Variants in RALGPS1 observed in about 807,000 individuals in gnomAD.
RALGPS1 encodes the protein ras-specific guanine nucleotide-releasing factor RalGPS1.
In RALGPS1, 19 loss-of-function variants were observed where a neutral mutation model predicts 78.8. That is an observed-to-expected ratio of 0.24 (90% CI 0.17 to 0.35). The LOEUF (loss-of-function observed/expected upper bound fraction) is 0.35, where lower values mean the gene tolerates loss of function less well. Among genes scored for constraint, RALGPS1 ranks in the 10% least tolerant of loss-of-function variants. The pLI is 1.00. For missense variants in RALGPS1, 454 were observed against 688.3 expected (o/e 0.66, Z 3.81); for synonymous variants, 228 against 256.3 (o/e 0.89, Z 1.06).
At chr9:127,172,126 C>T (rs191568674) in intron 10 of RALGPS1, among the ~76,000 whole-genome samples, 2 of 152,146 alleles carry the variant, frequency 1.3e-5, no homozygotes, top group Non-Finnish European at 1.5e-5. Context: ...GGAAGTAGGA[C>T]CCCCTACCTA....
intron 11 of RALGPS1, among the ~76,000 whole-genome samples, chr9:127,179,798 GC>G (rs1216866972): frequency 3.3e-5 from 5 of 152,202 alleles, no homozygotes; most frequent in Non-Finnish European, 5.9e-5. Context: ...CCTCTTCTAG[GC>G]AGCGCCCACG....
At chr9:127,216,991 C>T (rs960319796) in intron 18 of RALGPS1, 17 of 1,538,960 alleles carry the variant, frequency 1.1e-5, no homozygotes, top group Non-Finnish European at 1.5e-5. Flanking sequence ...GAGGCAGGGC[C>T]CTGTGCCTGA....
Position 126,966,251 on chromosome 9 carries a change from G to T in RALGPS1, c.165+300G>T, listed in dbSNP as rs1203666976. On this transcript the variant is annotated intron_variant, in intron 3 of 18. Coordinates refer to ENST00000259351, the MANE Select transcript of RALGPS1 (RefSeq NM_014636.3). ...ATTCATGTACAGACTGGGCAAGGTG[G>T]CTCACGCCTATAATCCCAGTGCTGT... Among the ~76,000 whole-genome samples, 3 of 152,168 alleles carry T rather than the reference G, an allele frequency of 2.0e-5. No individual in the cohort carries two copies. In the East Asian group the frequency reaches 5.8e-4, roughly 29 times the overall value.
chr9:126,954,402 A>G (rs1276422029), intron 1 of RALGPS1, among the ~76,000 whole-genome samples: 1 of 152,140 alleles, frequency 6.6e-6, no homozygotes, highest in African/African-American at 2.4e-5. Flanking sequence ...AACTGCCTCC[A>G]TTTTGGCCTT....
Position 127,130,078 on chromosome 9 carries a change from T to G in RALGPS1, c.611-35991T>G, listed in dbSNP as rs554618524. On this transcript the variant is annotated intron_variant, in intron 8 of 18. Coordinates refer to ENST00000259351, the MANE Select transcript of RALGPS1 (RefSeq NM_014636.3). ...GAGTGAGGACACGTGTGTCACCAGC[T>G]CCCTCCCTGTTGGACCATAGGTGAC... Among the ~76,000 whole-genome samples, 3 of 152,214 alleles carry G rather than the reference T, an allele frequency of 2.0e-5. No homozygotes were observed. The East Asian group carries it at 5.8e-4, about 29-fold the overall frequency.
rs1482413241 is a variant in RALGPS1, at chr9:127,091,780, T to A, written c.610+22424T>A. On this transcript the variant is annotated intron_variant, in intron 8 of 18. Transcript: ENST00000259351. This position sits in a 1 kb window ranked among gnomAD's most constrained non-coding sequence, Gnocchi z 4.3. The stretch of plus-strand genomic sequence containing the variant: ...GCGCCCCAGCCGCAGCTTATAATAC[T>A]CGCTCTCAGGTTCCAGGCGGAAACT... 6.2e-7 allele frequency: 1 copy of A among 1,614,048 alleles called. No individual in the cohort carries two copies. Among genetic ancestry groups the A allele is most frequent in the Non-Finnish European group, 8.5e-7 (1 of 1,180,036 alleles).
chr9:127,208,689 C>G (rs934497264), intron 14 of RALGPS1, among the ~76,000 whole-genome samples: 6 of 152,174 alleles, frequency 3.9e-5, no homozygotes, highest in Admixed American at 2.6e-4. Context: ...CCTGGTGTCC[C>G]TGTGCTCCCC....
intron 5 of RALGPS1, among the ~76,000 whole-genome samples, chr9:127,038,522 T>TA (rs1433063088): frequency 2.0e-5 from 3 of 152,258 alleles, no homozygotes; most frequent in Admixed American, 2.0e-4. Context: ...TCTAAACAGT[T>TA]ACTCTTTCCT....
At chr9:126,956,219 C>G (rs1362363912) in intron 1 of RALGPS1, among the ~76,000 whole-genome samples, 1 of 151,272 alleles carries the variant, frequency 6.6e-6, no homozygotes, top group Non-Finnish European at 1.5e-5. Context: ...CTTCAGGGCC[C>G]TACTCTGGGT....
chr9:126,947,583 G>A (rs2037401214), intron 1 of RALGPS1, among the ~76,000 whole-genome samples: 2 of 152,196 alleles, frequency 1.3e-5, no homozygotes, highest in South Asian at 4.1e-4. Context: ...AGTGGATGTT[G>A]GCCAGGTCAA....
rs2038955834 is a variant in RALGPS1 at position 126,962,233 on chromosome 9, C to T, written c.-57C>T. ...GCCCCTTTGCCTTGCAGGACTTCTCCAGACAGGTTATGTTACCTGCAGAGG... is the reference window on the plus strand; with the variant it reads ...GCCCCTTTGCCTTGCAGGACTTCTCTAGACAGGTTATGTTACCTGCAGAGG... On this transcript the variant is annotated 5_prime_UTR_variant, in exon 2 of 19. Coordinates refer to ENST00000259351, the MANE Select transcript of RALGPS1 (RefSeq NM_014636.3). 1.3e-6 allele frequency: 2 copies of T among 1,585,188 alleles called. No homozygotes were observed. The highest frequency in any genetic ancestry group is 1.1e-5 in the South Asian group (1 of 89,956).
intron 8 of RALGPS1, among the ~76,000 whole-genome samples, chr9:127,163,184 A>T (rs1324186966): frequency 6.6e-6 from 1 of 152,156 alleles, no homozygotes; most frequent in Non-Finnish European, 1.5e-5. Flanking sequence ...CCTATGTCCC[A>T]CATCTCTTCA....
chr9:127,130,763 C>T (rs1353256939), intron 8 of RALGPS1, among the ~76,000 whole-genome samples: 1 of 152,194 alleles, frequency 6.6e-6, no homozygotes, highest in African/African-American at 2.4e-5. Context: ...GAAACTGAGG[C>T]TCAAGTTAAT....
At position 126,978,150 on chromosome 9, in the gene RALGPS1, C is replaced by T. The variant is rs77738809; in HGVS notation, c.216+405C>T. 1,116 of 158,050 alleles carry T rather than the reference C, an allele frequency of 7.1e-3. 7 individuals carry two copies. The highest frequency in any genetic ancestry group is 0.021 in the Middle Eastern group (7 of 330). The allele number at this position is 158,050 out of a possible 1,614,324, so 9.8% of individuals were successfully genotyped here. On this transcript the variant is annotated intron_variant, in intron 4 of 18. Coordinates refer to ENST00000259351, the MANE Select transcript of RALGPS1 (RefSeq NM_014636.3). ...GGTTGCCTTGTTTCTATTTTTGAAA[C>T]CAGTTGCCGAAGCAAACATGTACAT...
At chr9:127,217,101 C>T (rs987172173) in intron 18 of RALGPS1, 5 of 1,365,796 alleles carry the variant, frequency 3.7e-6, no homozygotes, top group Non-Finnish European at 4.7e-6. Context: ...ATGACAGCAG[C>T]CCCAGCAGGC....
intron 6 of RALGPS1, 116 bp downstream of exon 6, chr9:127,050,248 A>T (rs1489108174): frequency 3.5e-6 from 3 of 858,536 alleles, no homozygotes; most frequent in Non-Finnish European, 5.6e-6. Flanking sequence ...TGCCAGGCAC[A>T]GTTCAAACAG....
chr9:127,199,148 C>A, intron 14 of RALGPS1, 82 bp downstream of exon 14: 1 of 1,331,886 alleles, frequency 7.5e-7, no homozygotes, highest in Non-Finnish European at 1.1e-6. Context: ...CGGGCAGGGA[C>A]GGGCCCTGCC....
Position 127,218,698 on chromosome 9 carries a change from T to G in RALGPS1, c.1645-42T>G. On this transcript the variant is annotated intron_variant, in intron 18 of 18. Coordinates refer to ENST00000259351, the MANE Select transcript of RALGPS1 (RefSeq NM_014636.3). The surrounding 1 kb of genome is among the most constrained non-coding windows in gnomAD (Gnocchi z 4.4). ...GGGACCACCACCCCTTGTCCTTCTC[T>G]GAGGTCGGAACTTTAACAAGAGGCT... 1 of 1,604,092 alleles carries G rather than the reference T, an allele frequency of 6.2e-7. No individual in the cohort carries two copies. Among genetic ancestry groups the G allele is most frequent in the Non-Finnish European group, 8.5e-7 (1 of 1,170,836 alleles).
chr9:127,036,592 A>G (rs62580836), intron 5 of RALGPS1, among the ~76,000 whole-genome samples: 83,808 of 152,034 alleles, frequency 0.55, 23,779 homozygotes, highest in African/African-American at 0.67. Flanking sequence ...AGGTTGCCAG[A>G]GGATTTGAGG....
Sources: allele counts gnomAD v4.1 joint callset (sites outside exome capture counted in the v4.1 genomes callset), GRCh38; gene constraint gnomAD v4.1.1; non-coding constraint Gnocchi (gnomAD v3.1); transcripts MANE v1.5; gene names NCBI Gene and HGNC (gene_info 2026-07-23, HGNC 2026-07-21).